Variants in TCF12 observed in about 807,000 individuals in gnomAD.
TCF12 encodes the protein DNA-binding protein HTF4.
Under a neutral mutation model 86.0 loss-of-function variants are expected in TCF12, and 45 were observed. That is an observed-to-expected ratio of 0.52 (90% CI 0.41 to 0.67). TCF12 has a LOEUF of 0.67. Among genes scored for constraint, TCF12 ranks in the 30% least tolerant of loss-of-function variants. The pLI, the probability that TCF12 is intolerant of heterozygous loss-of-function variation, is 0.00. For synonymous variants in TCF12, 330 were observed against 299.6 expected (o/e 1.10, Z -1.05); for missense variants, 881 against 859.9 (o/e 1.02, Z -0.31).
Position 57,282,579 on chromosome 15 carries a change from C to G in TCF12, c.2113C>G (p.His705Asp), listed in dbSNP as rs1288559794. 6.2e-7 allele frequency: 1 copy of G among 1,612,830 alleles called. No homozygotes were observed. Among genetic ancestry groups the G allele is most frequent in the Non-Finnish European group, 8.5e-7 (1 of 1,179,728 alleles). Residue 705 changes from histidine (H) to aspartate (D), a missense_variant, in exon 20 of 21, where the codon CAT (histidine) becomes GAT (aspartate). Coordinates refer to ENST00000333725, the MANE Select transcript of TCF12 (RefSeq NM_207037.2). ...TAGTGAAACTACCAACCCTATGGGTCATATGTAAACATCAGCCAGGTAAGT... is the reference window on the plus strand; with the variant it reads ...TAGTGAAACTACCAACCCTATGGGTGATATGTAAACATCAGCCAGGTAAGT... ...GLSETTNPMG[H>D]M
At chr15:57,195,695 A>G (rs1480765028) in intron 7 of TCF12, among the ~76,000 whole-genome samples, 1 of 152,218 alleles carries the variant, frequency 6.6e-6, no homozygotes, top group African/African-American at 2.4e-5. Flanking sequence ...GAGAATTCCC[A>G]GTCCAAAGTT....
In TCF12 at chr15:57,233,011, TTATA is replaced by T. The variant is rs1228029130; in HGVS notation, c.970+159_970+162del. Among the ~76,000 whole-genome samples, 4 of 131,776 alleles carry T rather than the reference TTATA, an allele frequency of 3.0e-5. 1 individual carries two copies. The South Asian group carries it at 7.6e-4, about 25-fold the overall frequency. 86.5% of individuals were successfully genotyped at this position (131,776 alleles called of 152,430 possible). On this transcript the variant is annotated intron_variant, in intron 11 of 20. Transcript: ENST00000333725. Reference sequence around the variant, plus strand: ...TATGTGTGTTATATGTATATATGTGTTATATATGTATATATGTGTGTATATATGT... The same window carrying T: ...TATGTGTGTTATATGTATATATGTGTTATGTATATATGTGTGTATATATGT...
intron 3 of TCF12, among the ~76,000 whole-genome samples, chr15:56,961,355 T>A (rs1374378905): frequency 6.6e-6 from 1 of 152,186 alleles, no homozygotes; most frequent in East Asian, 1.9e-4. Flanking sequence ...AAAAAAACTC[T>A]TAATGAGCAA....
chr15:57,198,043 C>A (rs1173280007), intron 8 of TCF12, among the ~76,000 whole-genome samples: 1 of 152,182 alleles, frequency 6.6e-6, no homozygotes, highest in East Asian at 1.9e-4. Context: ...TATGCTCTTA[C>A]TCCTTGTCCC....
chr15:57,014,072 G>A (rs1315242805), intron 3 of TCF12, among the ~76,000 whole-genome samples: 1 of 152,128 alleles, frequency 6.6e-6, no homozygotes, highest in Non-Finnish European at 1.5e-5. Context: ...GATGATCTAG[G>A]TCACGTTGCA....
intron 3 of TCF12, among the ~76,000 whole-genome samples, chr15:57,020,608 C>A (rs1354967628): frequency 5.3e-5 from 8 of 152,162 alleles, no homozygotes; most frequent in South Asian, 2.1e-4. Flanking sequence ...ATGTCTTACT[C>A]AAAGCTAATA....
chr15:57,224,202 G>A (rs1426870306), intron 8 of TCF12, among the ~76,000 whole-genome samples: 1 of 151,920 alleles, frequency 6.6e-6, no homozygotes, highest in Non-Finnish European at 1.5e-5. Flanking sequence ...TATATCAAAG[G>A]GGATCAGGTG....
chr15:57,000,745 C>T (rs1478011812), intron 3 of TCF12, among the ~76,000 whole-genome samples: 1 of 151,866 alleles, frequency 6.6e-6, no homozygotes, highest in Admixed American at 6.6e-5. Flanking sequence ...TTATCTGTGC[C>T]TCCTTATTAA....
At chr15:57,211,788 T>C (rs1318390614) in intron 8 of TCF12, among the ~76,000 whole-genome samples, 3 of 152,174 alleles carry the variant, frequency 2.0e-5, no homozygotes, top group African/African-American at 7.2e-5. Context: ...ACCCTGTCTC[T>C]ACTAAAAATA....
At chr15:57,115,446 T>A (rs1162084019) in intron 5 of TCF12, among the ~76,000 whole-genome samples, 1 of 152,198 alleles carries the variant, frequency 6.6e-6, no homozygotes, top group Non-Finnish European at 1.5e-5. Context: ...TACAAACAAC[T>A]ATTATTACCT....
At chr15:57,090,962 T>C (rs1458589473) in intron 4 of TCF12, among the ~76,000 whole-genome samples, 1 of 152,192 alleles carries the variant, frequency 6.6e-6, no homozygotes, top group Non-Finnish European at 1.5e-5. Flanking sequence ...GTAACACTTG[T>C]TTTTGTTTGT....
intron 19 of TCF12, among the ~76,000 whole-genome samples, chr15:57,274,527 C>A (rs1348537383): frequency 6.6e-6 from 1 of 152,198 alleles, no homozygotes; most frequent in Non-Finnish European, 1.5e-5. Context: ...GTTACCCACT[C>A]GCCTGTGGCA....
At chr15:57,120,644 AT>A (rs530268863) in intron 5 of TCF12, among the ~76,000 whole-genome samples, 2 of 152,118 alleles carry the variant, frequency 1.3e-5, no homozygotes, top group Admixed American at 1.3e-4. Flanking sequence ...ATATTTCTAT[AT>A]TTTTTTGCTA....
At chr15:57,041,794 G>C (rs1219961769) in intron 3 of TCF12, among the ~76,000 whole-genome samples, 1 of 152,084 alleles carries the variant, frequency 6.6e-6, no homozygotes, top group Non-Finnish European at 1.5e-5. Flanking sequence ...GAAATTTATA[G>C]TAGCCACTTA....
chr15:56,966,913 G>C (rs186362240), intron 3 of TCF12, among the ~76,000 whole-genome samples: 72 of 151,984 alleles, frequency 4.7e-4, no homozygotes, highest in African/African-American at 1.7e-3. Flanking sequence ...ACTTGAGGTC[G>C]GGAGTTTGAG....
chr15:57,168,518 G>A (rs2055069520), intron 6 of TCF12, among the ~76,000 whole-genome samples: 1 of 152,108 alleles, frequency 6.6e-6, no homozygotes. Context: ...TATCAAATGT[G>A]GATTGGTGAT....
At chr15:57,230,239 C>T (rs1291753051) in intron 8 of TCF12, among the ~76,000 whole-genome samples, 2 of 151,870 alleles carry the variant, frequency 1.3e-5, no homozygotes, top group Non-Finnish European at 2.9e-5. Flanking sequence ...TTTTTTGTAT[C>T]ATTTCAAACT....
chr15:57,027,914 T>G (rs1472700479), intron 3 of TCF12, among the ~76,000 whole-genome samples: 1 of 152,184 alleles, frequency 6.6e-6, no homozygotes, highest in Non-Finnish European at 1.5e-5. Flanking sequence ...TCTGCCATGA[T>G]TGTGACACCT....
chr15:57,087,890 T>A (rs1050747154), intron 4 of TCF12, among the ~76,000 whole-genome samples: 3 of 152,218 alleles, frequency 2.0e-5, no homozygotes, highest in Non-Finnish European at 2.9e-5. Context: ...TCATAATGTA[T>A]GTCATCTCAT....
Sources: gnomAD v4.1 joint callset for allele counts (sites outside exome capture counted in the v4.1 genomes callset) on GRCh38, gnomAD v4.1.1 for gene constraint, MANE v1.5 for transcripts, NCBI Gene and HGNC (gene_info 2026-07-23, HGNC 2026-07-21) for gene names.